Variants in CACNA2D2 observed in about 807,000 individuals in gnomAD.
CACNA2D2 encodes calcium voltage-gated channel auxiliary subunit alpha2delta 2.
A neutral mutation model predicts 166.4 loss-of-function variants in CACNA2D2; 48 were observed. That is an observed-to-expected ratio of 0.29 (90% CI 0.23 to 0.37). The LOEUF is 0.37. Ranked by LOEUF, CACNA2D2 falls within the 10% of genes least tolerant of loss-of-function variation. The probability of loss-of-function intolerance (pLI) is 1.00; values close to 1 mark genes in which losing one functional copy is unlikely to be tolerated. For missense variants in CACNA2D2, 1,122 were observed against 1,433.0 expected (o/e 0.78, Z 3.50); for synonymous variants, 561 against 573.7 (o/e 0.98, Z 0.32).
At position 50,377,704 on chromosome 3, in the gene CACNA2D2, C is replaced by G. The variant is rs1705062778; in HGVS notation, c.1551+28G>C. Reference sequence around the variant, plus strand: ...ATGCCCATTCCTCCCCAGGCACACCCATAGCCCCAACCCTCCCCTTTCCTC... The same window carrying G: ...ATGCCCATTCCTCCCCAGGCACACCGATAGCCCCAACCCTCCCCTTTCCTC... On this transcript the variant is annotated intron_variant, in intron 16 of 37. Coordinates refer to ENST00000424201, the MANE Select transcript of CACNA2D2 (RefSeq NM_006030.4). 3.7e-6 allele frequency: 6 copies of G among 1,604,272 alleles called. No homozygotes were observed. In the East Asian group the frequency reaches 1.3e-4, roughly 36 times the overall value.
chr3:50,453,329 C>T (rs1021624933), intron 2 of CACNA2D2, among the ~76,000 whole-genome samples: 7 of 152,354 alleles, frequency 4.6e-5, no homozygotes, highest in Non-Finnish European at 8.8e-5. Flanking sequence ...GCACAGCCTA[C>T]AGCAGGTCAC....
At chr3:50,469,629 G>A (rs1709980761) in intron 2 of CACNA2D2, among the ~76,000 whole-genome samples, 1 of 152,154 alleles carries the variant, frequency 6.6e-6, no homozygotes, top group South Asian at 2.1e-4. Context: ...CACATACCCT[G>A]TGAGACAGTA....
At chr3:50,496,190 C>G (rs1009137720) in intron 1 of CACNA2D2, among the ~76,000 whole-genome samples, 5 of 152,222 alleles carry the variant, frequency 3.3e-5, no homozygotes, top group African/African-American at 1.2e-4. Context: ...CAGAGATAAA[C>G]CACACGTGTG....
chr3:50,421,721 G>A (rs544567451), intron 3 of CACNA2D2, among the ~76,000 whole-genome samples: 2 of 152,274 alleles, frequency 1.3e-5, no homozygotes, highest in East Asian at 3.9e-4. Flanking sequence ...CCAGCACCTG[G>A]AGCCAAGGGT....
intron 1 of CACNA2D2, among the ~76,000 whole-genome samples, chr3:50,493,899 C>T (rs1199431913): frequency 1.3e-5 from 2 of 152,192 alleles, no homozygotes; most frequent in African/African-American, 4.8e-5. Flanking sequence ...GAGCAGTGAG[C>T]GAAAGCCAGA....
At chr3:50,428,613 T>C (rs990598750) in intron 3 of CACNA2D2, among the ~76,000 whole-genome samples, 2 of 152,144 alleles carry the variant, frequency 1.3e-5, no homozygotes, top group Admixed American at 6.5e-5. Flanking sequence ...GTGGGAACAA[T>C]GCCCACTGGA....
At chr3:50,399,860 C>T (rs1339296909) in intron 3 of CACNA2D2, among the ~76,000 whole-genome samples, 3 of 152,164 alleles carry the variant, frequency 2.0e-5, no homozygotes, top group African/African-American at 7.2e-5. Flanking sequence ...TCCCTTTGCC[C>T]TTCTCCTAGG....
intron 1 of CACNA2D2, among the ~76,000 whole-genome samples, chr3:50,490,446 C>T (rs903353109): frequency 2.0e-5 from 3 of 152,144 alleles, no homozygotes; most frequent in East Asian, 1.9e-4. Flanking sequence ...CCCTGCCTCC[C>T]ACCCCATTAA....
intron 2 of CACNA2D2, among the ~76,000 whole-genome samples, chr3:50,459,167 C>G (rs1014272829): frequency 2.6e-5 from 4 of 152,154 alleles, no homozygotes; most frequent in Admixed American, 2.0e-4. Context: ...GGCAGTCACA[C>G]AGGGAGATGA....
chr3:50,424,236 T>C (rs925276080), intron 3 of CACNA2D2, among the ~76,000 whole-genome samples: 4 of 152,184 alleles, frequency 2.6e-5, no homozygotes, highest in Non-Finnish European at 5.9e-5. Flanking sequence ...ATGCTGCACC[T>C]GCCTAAGAGG....
chr3:50,412,081 C>A (rs1707045919), intron 3 of CACNA2D2, among the ~76,000 whole-genome samples: 1 of 152,264 alleles, frequency 6.6e-6, no homozygotes, highest in Non-Finnish European at 1.5e-5. Flanking sequence ...AGCCCATGGG[C>A]TCAGCTAGAG....
chr3:50,379,815 A>G lies in CACNA2D2; in HGVS notation c.903T>C (p.Ser301=), dbSNP rs1465193771. The change falls in exon 10 of 38, where the codon AGT becomes AGC. Residue 301 remains serine, a synonymous_variant. Transcript: ENST00000424201. This position sits in a 1 kb window ranked among gnomAD's most constrained non-coding sequence, Gnocchi z 6.5. ...TCAGCTTCAGGGTCAGGCCGCTCACACTGCCACTCCTGGAGAGGTCAGGCA... is the reference window on the plus strand; with the variant it reads ...TCAGCTTCAGGGTCAGGCCGCTCACGCTGCCACTCCTGGAGAGGTCAGGCA... ...DMVIIVDVSG[S]VSGLTLKLMK... is the part of the protein sequence containing the mutation. 1 of 1,613,772 alleles carries G rather than the reference A, an allele frequency of 6.2e-7. No individual in the cohort carries two copies. Among genetic ancestry groups the G allele is most frequent in the Non-Finnish European group, 8.5e-7 (1 of 1,180,022 alleles).
chr3:50,425,892 C>T (rs1285242811), intron 3 of CACNA2D2, among the ~76,000 whole-genome samples: 3 of 152,164 alleles, frequency 2.0e-5, no homozygotes, highest in African/African-American at 4.8e-5. Flanking sequence ...AAAGGAAACT[C>T]GGGGCAACAG....
chr3:50,388,471 C>T (rs367867675), intron 4 of CACNA2D2, among the ~76,000 whole-genome samples: 42 of 152,344 alleles, frequency 2.8e-4, no homozygotes, highest in African/African-American at 3.6e-4. Context: ...CTGTTCTGTA[C>T]GGCAAAAACC....
intron 1 of CACNA2D2, among the ~76,000 whole-genome samples, chr3:50,485,888 A>G (rs914108030): frequency 2.0e-5 from 3 of 152,222 alleles, no homozygotes; most frequent in African/African-American, 7.2e-5. Flanking sequence ...GGGCAAGGCA[A>G]AGGGTCCAGA....
At chr3:50,470,796 G>C (rs1263070481) in intron 2 of CACNA2D2, among the ~76,000 whole-genome samples, 6 of 151,980 alleles carry the variant, frequency 3.9e-5, no homozygotes, top group Admixed American at 3.9e-4. Flanking sequence ...GGACACAGAG[G>C]GGGTCTAGGC....
intron 1 of CACNA2D2, among the ~76,000 whole-genome samples, chr3:50,483,426 A>T (rs925191386): frequency 6.6e-6 from 1 of 152,208 alleles, no homozygotes; most frequent in Non-Finnish European, 1.5e-5. Context: ...CTGGTCCTTC[A>T]TGAGGTTATT....
chr3:50,443,238 G>A (rs1708687845), intron 2 of CACNA2D2, among the ~76,000 whole-genome samples: 1 of 152,212 alleles, frequency 6.6e-6, no homozygotes, highest in Non-Finnish European at 1.5e-5. Flanking sequence ...GATTGTTTGT[G>A]TCGGCGTCTG....
intron 2 of CACNA2D2, among the ~76,000 whole-genome samples, chr3:50,457,605 C>T (rs1709417893): frequency 6.6e-6 from 1 of 152,210 alleles, no homozygotes; most frequent in South Asian, 2.1e-4. Flanking sequence ...TTGCCTCTTG[C>T]TCCAGCCTTT....
Sources: allele counts gnomAD v4.1 joint callset (sites outside exome capture counted in the v4.1 genomes callset), GRCh38; gene constraint gnomAD v4.1.1; non-coding constraint Gnocchi (gnomAD v3.1); transcripts MANE v1.5; gene names NCBI Gene and HGNC (gene_info 2026-07-23, HGNC 2026-07-21).